The following BCKDHB variants were observed in gnomAD, a reference collection of about 807,000 sequenced individuals.
The protein encoded by BCKDHB is 2-oxoisovalerate dehydrogenase subunit beta, mitochondrial.
Under a neutral mutation model 48.5 loss-of-function variants are expected in BCKDHB, and 41 were observed. The ratio of observed to expected loss-of-function variants is 0.85; its 90% CI spans 0.66 to 1.10. BCKDHB has a LOEUF of 1.10. BCKDHB is among the 50% of genes least tolerant of loss of function. BCKDHB has a pLI of 0.00. For synonymous variants in BCKDHB, 201 were observed against 174.8 expected (o/e 1.15, Z -1.18); for missense variants, 496 against 494.2 (o/e 1.00, Z -0.03).
In BCKDHB at chr6:80,106,745, G is replaced by C. The variant is rs745671036; in HGVS notation, c.52G>C (p.Gly18Arg). 8 of 1,568,498 alleles carry C rather than the reference G, an allele frequency of 5.1e-6. No individual in the cohort carries two copies. Among genetic ancestry groups the C allele is most frequent in the Non-Finnish European group, 6.9e-6 (8 of 1,157,842 alleles). ...CTGGCTACTCAGGCTCAGGGCGGCAGGGGCTGAGGGGCACTGGCGTCGGCT... is the reference window on the plus strand; with the variant it reads ...CTGGCTACTCAGGCTCAGGGCGGCACGGGCTGAGGGGCACTGGCGTCGGCT... ...AGWLLRLRAA[G>R]AEGHWRRLPG... is the part of the protein sequence containing the mutation. Residue 18 changes from glycine (G) to arginine (R), a missense_variant, in exon 1 of 10, where the codon GGG becomes CGG. By Grantham distance (125) the Gly-to-Arg change is moderately radical. Coordinates refer to ENST00000320393, the MANE Select transcript of BCKDHB (RefSeq NM_183050.4).
chr6:80,425,702 A>G, the BCKDHB span, among the ~76,000 whole-genome samples: 1 of 152,186 alleles, frequency 6.6e-6, no homozygotes, highest in Non-Finnish European at 1.5e-5. Context: ...TCTTACAACT[A>G]CAACATCAGT....
chr6:80,292,666 C>A (rs563689880), intron 9 of BCKDHB, among the ~76,000 whole-genome samples: 24 of 152,242 alleles, frequency 1.6e-4, no homozygotes, highest in Non-Finnish European at 2.4e-4. Context: ...CAGCAGCCCC[C>A]CAAAGTCTTA....
intron 9 of BCKDHB, among the ~76,000 whole-genome samples, chr6:80,296,106 T>G (rs946963655): frequency 2.0e-5 from 3 of 152,206 alleles, no homozygotes; most frequent in African/African-American, 7.2e-5. Context: ...CTGTTCTGCT[T>G]GATATTTATG....
At chr6:80,435,807 G>A in the BCKDHB span, among the ~76,000 whole-genome samples, 1 of 152,176 alleles carries the variant, frequency 6.6e-6, no homozygotes, top group Non-Finnish European at 1.5e-5. Context: ...GCCGAGGTGG[G>A]TGGATCACGA....
intron 9 of BCKDHB, among the ~76,000 whole-genome samples, chr6:80,303,110 AAAGGGT>A (rs1263559338): frequency 2.0e-5 from 3 of 152,160 alleles, no homozygotes; most frequent in Non-Finnish European, 2.9e-5. Flanking sequence ...ACCTGAACTC[AAAGGGT>A]AATTCTTTTG....
At chr6:80,247,881 A>G (rs113703267) in intron 8 of BCKDHB, among the ~76,000 whole-genome samples, 34 of 152,240 alleles carry the variant, frequency 2.2e-4, no homozygotes, top group African/African-American at 8.0e-4. Flanking sequence ...TCTTTCTGCT[A>G]CTTAACATTC....
At chr6:80,239,195 G>A (rs1273853862) in intron 8 of BCKDHB, among the ~76,000 whole-genome samples, 1 of 152,106 alleles carries the variant, frequency 6.6e-6, no homozygotes, top group Admixed American at 6.5e-5. Context: ...TACAATGGTT[G>A]AACTAGTTTA....
chr6:80,326,250 C>A (rs184945205), intron 9 of BCKDHB, among the ~76,000 whole-genome samples: 6 of 152,182 alleles, frequency 3.9e-5, no homozygotes, highest in Non-Finnish European at 7.4e-5. Flanking sequence ...GAGTCTCCGC[C>A]ATAAGCTTAC....
intron 8 of BCKDHB, among the ~76,000 whole-genome samples, chr6:80,220,304 G>GTTTTTTTTTTTTTTTTTTTCTTTTTT (rs56967096): frequency 1.6e-5 from 1 of 60,858 alleles, no homozygotes; most frequent in Non-Finnish European, 2.9e-5. Flanking sequence ...CATGCTATTT[G>GTTTTTTTTTTTTTTTTTTTCTTTTTT]TTTTTTTTTT....
At chr6:80,425,672 A>G in the BCKDHB span, among the ~76,000 whole-genome samples, 1 of 152,176 alleles carries the variant, frequency 6.6e-6, no homozygotes, top group Non-Finnish European at 1.5e-5. Context: ...TGATCACTTT[A>G]CCATGATCGT....
At chr6:80,204,484 A>G (rs72892458) in intron 8 of BCKDHB, among the ~76,000 whole-genome samples, 12,264 of 152,082 alleles carry the variant, frequency 0.081, 554 homozygotes, top group South Asian at 0.099. Flanking sequence ...GACGTTCCAA[A>G]TTATAGTTAA....
At chr6:80,387,751 G>T in the BCKDHB span, among the ~76,000 whole-genome samples, 2 of 152,230 alleles carry the variant, frequency 1.3e-5, no homozygotes, top group Non-Finnish European at 2.9e-5. Context: ...TACCTCAAGG[G>T]TATATCAACT....
At chr6:80,191,025 C>T (rs1773869473) in intron 6 of BCKDHB, among the ~76,000 whole-genome samples, 2 of 152,142 alleles carry the variant, frequency 1.3e-5, no homozygotes, top group African/African-American at 4.8e-5. Flanking sequence ...CTGATAGTGG[C>T]TCCTGTGGGC....
At chr6:80,161,325 T>G (rs1401697760) in intron 3 of BCKDHB, among the ~76,000 whole-genome samples, 3 of 152,172 alleles carry the variant, frequency 2.0e-5, no homozygotes, top group African/African-American at 7.2e-5. Context: ...TGTGAAATTA[T>G]TATCTTATGA....
chr6:80,152,196 TGTG>T (rs2127755190), intron 3 of BCKDHB, among the ~76,000 whole-genome samples: 1 of 152,192 alleles, frequency 6.6e-6, no homozygotes, highest in South Asian at 2.1e-4. Context: ...GCATCAGCTA[TGTG>T]TACATTAATT....
At chr6:80,133,213 C>T (rs1047111462) in intron 3 of BCKDHB, among the ~76,000 whole-genome samples, 1 of 152,154 alleles carries the variant, frequency 6.6e-6, no homozygotes, top group Non-Finnish European at 1.5e-5. Flanking sequence ...ATTTTATATT[C>T]CATCAGAAGG....
At chr6:80,239,382 T>A (rs1776284442) in intron 8 of BCKDHB, among the ~76,000 whole-genome samples, 1 of 152,252 alleles carries the variant, frequency 6.6e-6, no homozygotes, top group African/African-American at 2.4e-5. Flanking sequence ...ATGTGTCTGT[T>A]GACTGCATAA....
intron 8 of BCKDHB, among the ~76,000 whole-genome samples, chr6:80,267,825 A>G (rs1045417065): frequency 1.3e-5 from 2 of 152,062 alleles, no homozygotes; most frequent in Non-Finnish European, 2.9e-5. Flanking sequence ...TTCTTTGTCA[A>G]CATTATTTGC....
In BCKDHB at chr6:80,170,072, T is replaced by C. The variant is rs1772826043; in HGVS notation, c.633+1042T>C. Reference sequence around the variant, plus strand: ...CTTTTTTTTTCAGCTGAAATGAAAATATACTTAAAGTACAAAAGGCTAATA... The same window carrying C: ...CTTTTTTTTTCAGCTGAAATGAAAACATACTTAAAGTACAAAAGGCTAATA... On this transcript the variant is annotated intron_variant, in intron 5 of 9. Transcript: ENST00000320393. 12 of 430,638 alleles carry C rather than the reference T, an allele frequency of 2.8e-5. 1 individual carries two copies. The South Asian group carries it at 1.1e-3, about 38-fold the overall frequency. 26.7% of individuals were successfully genotyped at this position (430,638 alleles called of 1,614,324 possible).
Sources: allele counts gnomAD v4.1 joint callset (sites outside exome capture counted in the v4.1 genomes callset), GRCh38; gene constraint gnomAD v4.1.1; transcripts MANE v1.5; gene names NCBI Gene and HGNC (gene_info 2026-07-23, HGNC 2026-07-21).